The following MICU3 variants were observed in gnomAD, a reference collection of about 807,000 sequenced individuals.
MICU3 encodes the protein calcium uptake protein 3, mitochondrial.
Under a neutral mutation model 66.5 loss-of-function variants are expected in MICU3, and 62 were observed. The observed-to-expected ratio is 0.93, with a 90% CI of 0.76 to 1.15. MICU3 has a LOEUF of 1.15. Among genes scored for constraint, MICU3 ranks in the 50% most tolerant of loss-of-function variants. MICU3 has a pLI of 0.00. For synonymous variants in MICU3, 308 were observed against 240.7 expected, an observed-to-expected ratio of 1.28 and a Z score of -2.59; for missense variants, 779 against 664.4, an observed-to-expected ratio of 1.17 and a Z score of -1.90.
chr8:17,116,504 C>G lies in MICU3; in HGVS notation c.1428C>G (p.Asn476Lys). ...TCAAATTTTCACCACATTTAGTGAA[C>G]ACTGTCTTCAAGATTTTTGATGTTG... ...TGLKFSPHLV[N>K]TVFKIFDVDK... The change falls in exon 13 of 15, where the codon AAC becomes AAG. Residue 476 changes from asparagine to lysine, a missense_variant. Physicochemically the swap from Asn to Lys is moderately conservative, Grantham distance 94. Coordinates refer to ENST00000318063, the MANE Select transcript of MICU3 (RefSeq NM_181723.3). The G allele has an allele frequency of 6.4e-7, 1 of 1,564,178 alleles. No individual in the cohort carries two copies. The highest frequency in any genetic ancestry group is 8.6e-7 in the Non-Finnish European group (1 of 1,161,638).
chr8:17,059,817 A>G (rs1817543885), intron 1 of MICU3, among the ~76,000 whole-genome samples: 1 of 152,198 alleles, frequency 6.6e-6, no homozygotes, highest in Non-Finnish European at 1.5e-5. Context: ...GAAAACTACA[A>G]AACTTTATTA....
intron 1 of MICU3, 95 bp downstream of exon 1, chr8:17,027,755 T>G (rs938994419): frequency 8.1e-7 from 1 of 1,233,096 alleles, no homozygotes; most frequent in African/African-American, 1.6e-5. Flanking sequence ...GTGCAAGCGC[T>G]GTGGCCGCGG....
intron 1 of MICU3, among the ~76,000 whole-genome samples, chr8:17,054,832 G>A (rs185694123): frequency 7.5e-5 from 11 of 146,286 alleles, no homozygotes; most frequent in East Asian, 2.2e-4. Flanking sequence ...TCTGCCTCCC[G>A]GGTTCAAGCG....
chr8:17,132,197 G>A, the MICU3 span: 2 of 152,186 alleles, frequency 1.3e-5, no homozygotes, highest in Non-Finnish European at 2.9e-5. Context: ...GGAGCAAGAA[G>A]AGGAAAATGT....
chr8:17,084,098 A>G (rs909029423), intron 5 of MICU3, among the ~76,000 whole-genome samples: 1 of 152,104 alleles, frequency 6.6e-6, no homozygotes, highest in African/African-American at 2.4e-5. Flanking sequence ...TTACATTAGA[A>G]CTAAGAAAAC....
At position 17,104,440 on chromosome 8, in the gene MICU3, A is replaced by G. The variant is rs1801553576; in HGVS notation, c.1034A>G (p.His345Arg). ...GTAACAGATACTACACTTCTTGTACACTTTTTTGGAAAGAAAGGAAAAGCT... is the reference window on the plus strand; with the variant it reads ...GTAACAGATACTACACTTCTTGTACGCTTTTTTGGAAAGAAAGGAAAAGCT... ...SLVTDTTLLV[H>R]FFGKKGKAEL... Residue 345 changes from histidine to arginine, a missense_variant, in exon 10 of 15, where the codon CAC becomes CGC. His to Arg is a conservative substitution (Grantham distance 29, BLOSUM62 0). Transcript: ENST00000318063. The G allele has an allele frequency of 3.4e-6, 5 of 1,467,664 alleles. No homozygotes were observed. The highest frequency in any genetic ancestry group is 4.6e-6 in the Non-Finnish European group (5 of 1,088,840). 90.9% of individuals were successfully genotyped at this position (1,467,664 alleles called of 1,614,324 possible). A position where few individuals can be genotyped will look rare whatever the true frequency, so the allele number is the denominator to read the frequency against.
At chr8:17,134,431 T>TTTTGTTTG in the MICU3 span, among the ~76,000 whole-genome samples, 5,650 of 148,706 alleles carry the variant, frequency 0.038, 219 homozygotes, top group African/African-American at 0.092. Context: ...AAAGTCAGCC[T>TTTTGTTTG]TTTGTTTGTT....
chr8:17,132,790 G>A, the MICU3 span: 1 of 152,240 alleles, frequency 6.6e-6, no homozygotes, highest in Non-Finnish European at 1.5e-5. Context: ...GTTATTAGGT[G>A]TTGCTACGGT....
At chr8:17,039,875 G>C (rs1813728902) in intron 1 of MICU3, among the ~76,000 whole-genome samples, 1 of 144,116 alleles carries the variant, frequency 6.9e-6, no homozygotes, top group Non-Finnish European at 1.5e-5. Flanking sequence ...AGCTCATGAA[G>C]GTATCCATCA....
chr8:17,035,006 C>T (rs1008409953), intron 1 of MICU3, among the ~76,000 whole-genome samples: 1 of 152,260 alleles, frequency 6.6e-6, no homozygotes, highest in South Asian at 2.1e-4. Context: ...GTGATTGAAT[C>T]ATGGGGGCTG....
chr8:17,111,544 T>A (rs1802207505), intron 11 of MICU3, among the ~76,000 whole-genome samples: 1 of 152,206 alleles, frequency 6.6e-6, no homozygotes, highest in Non-Finnish European at 1.5e-5. Flanking sequence ...CTAATTTATC[T>A]ATTTTTATTT....
In MICU3 at chr8:17,077,870, A is replaced by G; in HGVS notation, c.646+9A>G. ...AAATCTTAAAGAAAAAGGTGAGTTA[A>G]CCTTAGTACTTGTTCTTTTTTTAAA... On this transcript the variant is annotated intron_variant, in intron 4 of 14. Transcript: ENST00000318063. 6.4e-7 allele frequency: 1 copy of G among 1,573,512 alleles called. No individual in the cohort carries two copies. The highest frequency in any genetic ancestry group is 8.7e-7 in the Non-Finnish European group (1 of 1,146,210).
At chr8:17,061,574 G>A (rs1236669961) in intron 1 of MICU3, among the ~76,000 whole-genome samples, 1 of 152,162 alleles carries the variant, frequency 6.6e-6, no homozygotes. Context: ...CAGAATGGTA[G>A]ATCGAGGCAT....
intron 9 of MICU3, among the ~76,000 whole-genome samples, chr8:17,101,165 T>G (rs1345338797): frequency 3.3e-5 from 5 of 151,858 alleles, no homozygotes; most frequent in Admixed American, 2.0e-4. Context: ...TAAATAGTTT[T>G]TAATCAAAAC....
At chr8:17,073,400 T>C (rs1819899830) in intron 3 of MICU3, among the ~76,000 whole-genome samples, 1 of 151,988 alleles carries the variant, frequency 6.6e-6, no homozygotes, top group Non-Finnish European at 1.5e-5. Context: ...ATCTAAGTTG[T>C]GTGCTTCTTA....
At chr8:17,072,180 A>G (rs1819683769) in intron 3 of MICU3, among the ~76,000 whole-genome samples, 1 of 152,146 alleles carries the variant, frequency 6.6e-6, no homozygotes, top group Non-Finnish European at 1.5e-5. Flanking sequence ...ATAAAGTAGT[A>G]TTACATCATT....
At chr8:17,029,843 C>T (rs1811714316) in intron 1 of MICU3, among the ~76,000 whole-genome samples, 1 of 151,864 alleles carries the variant, frequency 6.6e-6, no homozygotes, top group East Asian at 1.9e-4. Context: ...TTCTCTTCTC[C>T]CTCTTTCTAT....
intron 11 of MICU3, among the ~76,000 whole-genome samples, chr8:17,113,039 AG>A (rs1802347993): frequency 6.6e-6 from 1 of 152,246 alleles, no homozygotes; most frequent in South Asian, 2.1e-4. Context: ...TGAGGAGAAA[AG>A]ACAGTAAGGA....
At position 17,120,689 on chromosome 8, in the gene MICU3, C is replaced by T. The variant is rs755038799; in HGVS notation, c.*402C>T. The T allele has an allele frequency of 1.3e-5, 2 of 152,228 alleles. No individual in the cohort carries two copies. Among genetic ancestry groups the T allele is most frequent in the African/African-American group, 2.4e-5 (1 of 41,346 alleles). The allele number at this position is 152,228 out of a possible 1,614,324, so 9.4% of individuals were successfully genotyped here. A position where few individuals can be genotyped will look rare whatever the true frequency, so the allele number is the denominator to read the frequency against. On this transcript the variant is annotated 3_prime_UTR_variant, in exon 15 of 15. Coordinates refer to ENST00000318063, the MANE Select transcript of MICU3 (RefSeq NM_181723.3). ...ATGTTGATCGCCTAAAAATGAACAT[C>T]GCATTTTCTTTGATTTTGGACTGTG...
Sources: gnomAD v4.1 joint callset for allele counts (sites outside exome capture counted in the v4.1 genomes callset) on GRCh38, gnomAD v4.1.1 for gene constraint, MANE v1.5 for transcripts, NCBI Gene and HGNC (gene_info 2026-07-23, HGNC 2026-07-21) for gene names.